The following PXDNL variants were observed in gnomAD, a reference collection of about 807,000 sequenced individuals.
PXDNL encodes the protein probable oxidoreductase PXDNL.
Under a neutral mutation model 150.8 loss-of-function variants are expected in PXDNL, and 145 were observed. The ratio of observed to expected loss-of-function variants is 0.96; its 90% confidence interval spans 0.84 to 1.10. The LOEUF (loss-of-function observed/expected upper bound fraction) is 1.10, where lower values mean the gene tolerates loss of function less well. PXDNL is among the 50% of genes least tolerant of loss of function. The probability of loss-of-function intolerance (pLI) is 0.00; values close to 1 mark genes in which losing one functional copy is unlikely to be tolerated. For synonymous variants in PXDNL, 757 were observed against 725.7 expected (o/e 1.04, Z -0.69); for missense variants, 2,087 against 1,873.9 (o/e 1.11, Z -2.10).
intron 2 of PXDNL, among the ~76,000 whole-genome samples, chr8:51,649,549 T>C (rs1388408980): frequency 6.6e-6 from 1 of 152,146 alleles, no homozygotes; most frequent in Non-Finnish European, 1.5e-5. Flanking sequence ...TATTTAGTCA[T>C]TGTAAAGCAC....
intron 1 of PXDNL, among the ~76,000 whole-genome samples, chr8:51,662,623 C>A (rs1352255445): frequency 6.6e-6 from 1 of 152,174 alleles, no homozygotes; most frequent in East Asian, 1.9e-4. Context: ...TAGTTATAAG[C>A]AATCTAGAGA....
rs16916663 is a variant in PXDNL, at chr8:51,654,770, T to C, written c.165-10A>G. ...GTTAAACCTCAAGTCTCTGGGAACA[T>C]AAAAAGGTGAAGAACGATTATAATA... On this transcript the variant is annotated splice_polypyrimidine_tract_variant and intron_variant, in intron 1 of 22. Coordinates refer to ENST00000356297, the MANE Select transcript of PXDNL (RefSeq NM_144651.5). 4.9e-3 allele frequency: 7,842 copies of C among 1,608,406 alleles called. 347 individuals carry two copies. In the African/African-American group the frequency reaches 0.092, roughly 19 times the overall value.
intron 15 of PXDNL, among the ~76,000 whole-genome samples, chr8:51,411,888 C>T (rs76589890): frequency 0.027 from 4,067 of 152,236 alleles, 217 homozygotes; most frequent in African/African-American, 0.091. Flanking sequence ...AGAGCTCTGA[C>T]AAGCTATCAC....
chr8:51,716,317 A>G (rs1018041706), intron 1 of PXDNL, among the ~76,000 whole-genome samples: 1 of 152,244 alleles, frequency 6.6e-6, no homozygotes, highest in African/African-American at 2.4e-5. Context: ...CAGCCTTGCT[A>G]CACCTTCAAA....
chr8:51,533,550 G>A (rs1811960080), intron 4 of PXDNL, among the ~76,000 whole-genome samples: 2 of 129,322 alleles, frequency 1.5e-5, no homozygotes, highest in Non-Finnish European at 3.1e-5. Flanking sequence ...CCGAGCCAAA[G>A]CTGGACGGTA....
chr8:51,383,261 T>C (rs977873036), intron 17 of PXDNL, among the ~76,000 whole-genome samples: 1 of 152,216 alleles, frequency 6.6e-6, no homozygotes, highest in Admixed American at 6.5e-5. Context: ...ATTAGTAAGA[T>C]TATAAAGCAG....
In PXDNL at chr8:51,726,253, A is replaced by G. The variant is rs114760065; in HGVS notation, c.165-71493T>C. 6.0e-3 allele frequency among the ~76,000 whole-genome samples: 916 copies of G among 152,316 alleles called. 13 individuals are homozygous for G. The highest frequency in any genetic ancestry group is 0.021 in the African/African-American group (873 of 41,564). On this transcript the variant is annotated intron_variant, in intron 1 of 22. Coordinates refer to ENST00000356297, the MANE Select transcript of PXDNL (RefSeq NM_144651.5). ...TGAGTCCCATTACCTCTGGCGCCCC[A>G]GGTAGAGCGAAGAGCTCTCAGCACC...
intron 17 of PXDNL, among the ~76,000 whole-genome samples, chr8:51,397,755 CT>C (rs747195417): frequency 3.4e-4 from 52 of 150,946 alleles, no homozygotes; most frequent in African/African-American, 3.2e-4. Context: ...AGGGAGAGGC[CT>C]TTTTTTTTAT....
chr8:51,550,302 T>C (rs536530749), intron 4 of PXDNL, among the ~76,000 whole-genome samples: 20 of 151,992 alleles, frequency 1.3e-4, no homozygotes, highest in African/African-American at 4.8e-4. Context: ...TTCCAAAAGA[T>C]AAAGAAAGAG....
At chr8:51,655,049 A>C (rs1815122434) in intron 1 of PXDNL, among the ~76,000 whole-genome samples, 1 of 152,220 alleles carries the variant, frequency 6.6e-6, no homozygotes. Context: ...CATTTATTTT[A>C]GGTTTTATTT....
rs570523402 is a variant in PXDNL at position 51,471,423 on chromosome 8, T to C, written c.812+764A>G. On this transcript the variant is annotated intron_variant, in intron 8 of 22. Transcript: ENST00000356297. Reference sequence around the variant, plus strand: ...AACAGTACCATGGGCATAAAATAAATGACTAGCCATTTAAATAATTTTGCA... The same window carrying C: ...AACAGTACCATGGGCATAAAATAAACGACTAGCCATTTAAATAATTTTGCA... 7.2e-5 allele frequency among the ~76,000 whole-genome samples: 11 copies of C among 152,336 alleles called. No individual in the cohort carries two copies. The South Asian group carries it at 1.4e-3, about 20-fold the overall frequency.
chr8:51,510,662 C>T (rs951616708), intron 4 of PXDNL, among the ~76,000 whole-genome samples: 1 of 152,078 alleles, frequency 6.6e-6, no homozygotes, highest in Non-Finnish European at 1.5e-5. Flanking sequence ...ACCTAAGAAG[C>T]CCAGGAGACC....
At chr8:51,588,342 T>C (rs16916560) in intron 3 of PXDNL, among the ~76,000 whole-genome samples, 3,674 of 152,314 alleles carry the variant, frequency 0.024, 158 homozygotes, top group African/African-American at 0.083. Flanking sequence ...TGGCAAAATT[T>C]ACTGCAGTGG....
chr8:51,712,650 G>T (rs944181819), intron 1 of PXDNL, among the ~76,000 whole-genome samples: 3 of 152,176 alleles, frequency 2.0e-5, no homozygotes, highest in African/African-American at 2.4e-5. Flanking sequence ...TACAGTATAA[G>T]AAAATATAAT....
intron 1 of PXDNL, among the ~76,000 whole-genome samples, chr8:51,799,851 C>T (rs1246635267): frequency 6.6e-6 from 1 of 152,142 alleles, no homozygotes; most frequent in Admixed American, 6.5e-5. Flanking sequence ...TTTCTCCCTA[C>T]CCATGCCCAA....
chr8:51,361,465 G>A (rs1199296739), intron 19 of PXDNL, among the ~76,000 whole-genome samples: 4 of 152,128 alleles, frequency 2.6e-5, no homozygotes, highest in Non-Finnish European at 4.4e-5. Context: ...CCAAAGCCAA[G>A]ATGTAAGGTA....
chr8:51,481,951 G>A (rs1585509835), intron 6 of PXDNL, among the ~76,000 whole-genome samples: 1 of 152,194 alleles, frequency 6.6e-6, no homozygotes, highest in Non-Finnish European at 1.5e-5. Context: ...GGAAATGTGG[G>A]GTTGGAGCCC....
chr8:51,581,739 A>G (rs1813217260), intron 3 of PXDNL, among the ~76,000 whole-genome samples: 1 of 152,110 alleles, frequency 6.6e-6, no homozygotes, highest in Non-Finnish European at 1.5e-5. Flanking sequence ...TCATAAAAGC[A>G]GTTTGGAAGT....
intron 1 of PXDNL, among the ~76,000 whole-genome samples, chr8:51,772,458 G>C (rs1462034132): frequency 6.6e-6 from 1 of 152,156 alleles, no homozygotes; most frequent in African/African-American, 2.4e-5. Flanking sequence ...AGCCAGGGTG[G>C]CCTAAGCTCG....
Sources: gnomAD v4.1 joint callset for allele counts (sites outside exome capture counted in the v4.1 genomes callset) on GRCh38, gnomAD v4.1.1 for gene constraint, MANE v1.5 for transcripts, NCBI Gene and HGNC (gene_info 2026-07-23, HGNC 2026-07-21) for gene names.